PRCP: variants seen among roughly 807,000 people sequenced by gnomAD.
PRCP encodes lysosomal Pro-X carboxypeptidase.
In PRCP, 46 loss-of-function variants were observed where a neutral mutation model predicts 54.2. The ratio of observed to expected loss-of-function variants is 0.85; its 90% CI spans 0.67 to 1.09. The LOEUF (loss-of-function observed/expected upper bound fraction) is 1.09, where lower values mean the gene tolerates loss of function less well. Ranked by LOEUF, PRCP falls within the 50% of genes least tolerant of loss-of-function variation. The probability of loss-of-function intolerance (pLI) is 0.00; values close to 1 mark genes in which losing one functional copy is unlikely to be tolerated. For synonymous variants in PRCP, 240 were observed against 212.2 expected (o/e 1.13, Z -1.14); for missense variants, 613 against 596.8 (o/e 1.03, Z -0.28).
intron 8 of PRCP, 24 bp from the exon 9 acceptor site, chr11:82,825,146 A>C (rs1464523018): frequency 6.3e-7 from 1 of 1,587,120 alleles, no homozygotes; most frequent in African/African-American, 1.3e-5. Flanking sequence ...AAAGAAGAAA[A>C]AATAAAGTTG....
chr11:82,879,813 G>A (rs1591067568), intron 1 of PRCP, among the ~76,000 whole-genome samples: 1 of 152,204 alleles, frequency 6.6e-6, no homozygotes, highest in Non-Finnish European at 1.5e-5. Context: ...TCCAGACCCT[G>A]TTTGCCTGGT....
At chr11:82,881,202 C>T (rs896003332) in intron 1 of PRCP, among the ~76,000 whole-genome samples, 1 of 152,190 alleles carries the variant, frequency 6.6e-6, no homozygotes, top group Non-Finnish European at 1.5e-5. Flanking sequence ...AAATTTCATG[C>T]TATTCAGCAA....
At chr11:82,840,981 A>G (rs1350470799) in intron 6 of PRCP, 1 of 124,028 alleles carries the variant, frequency 8.1e-6, no homozygotes, top group Non-Finnish European at 1.7e-5. Context: ...GTAAGCTTGA[A>G]TCTCTATTGA....
chr11:82,872,052 G>A (rs753102488), intron 1 of PRCP, among the ~76,000 whole-genome samples: 8 of 152,144 alleles, frequency 5.3e-5, no homozygotes, highest in East Asian at 1.9e-4. Flanking sequence ...AAGAGACTAC[G>A]CGTTCACATA....
At chr11:82,875,522 TA>T (rs1859582304) in intron 1 of PRCP, among the ~76,000 whole-genome samples, 1 of 152,198 alleles carries the variant, frequency 6.6e-6, no homozygotes, top group Non-Finnish European at 1.5e-5. Context: ...TAGGTGACTA[TA>T]ATTAATACTG....
chr11:82,852,317 T>C (rs1363616312), intron 3 of PRCP, among the ~76,000 whole-genome samples: 2 of 152,200 alleles, frequency 1.3e-5, no homozygotes, highest in South Asian at 2.1e-4. Flanking sequence ...ATATCCTTTT[T>C]AAAAATAAAA....
rs149484275 is a variant in PRCP at position 82,891,764 on chromosome 11, T to C, written c.168+8471A>G. Among the ~76,000 whole-genome samples, 7 of 152,334 alleles carry C rather than the reference T, an allele frequency of 4.6e-5. No individual in the cohort carries two copies. In the East Asian group the frequency reaches 1.2e-3, roughly 25 times the overall value. On this transcript the variant is annotated intron_variant, in intron 1 of 8. Transcript: ENST00000313010. ...TGCTCTTTCCCCAGTGCCTCGAATA[T>C]AGTAGGCACCTAATAAAAAATTAGG... is the stretch of plus-strand genomic sequence containing the variant.
At chr11:82,826,410 G>A (rs1365709526) in intron 8 of PRCP, 1 of 152,134 alleles carries the variant, frequency 6.6e-6, no homozygotes, top group East Asian at 1.9e-4. Flanking sequence ...TTTGGCTAAT[G>A]AGTACTGCTC....
chr11:82,828,332 T>A (rs904413326), intron 8 of PRCP: 1 of 151,918 alleles, frequency 6.6e-6, no homozygotes, highest in Non-Finnish European at 1.5e-5. Context: ...AAGAAAAGCA[T>A]AAGCTTTGGG....
Position 82,825,056 on chromosome 11 carries a change from T to G in PRCP, c.1341A>C (p.Ala447=), listed in dbSNP as rs1351305999. 6.2e-7 allele frequency: 1 copy of G among 1,614,006 alleles called. No homozygotes were observed. Among genetic ancestry groups the G allele is most frequent in the East Asian group, 2.2e-5 (1 of 44,878 alleles). Residue 447 remains alanine, a synonymous_variant, in exon 9 of 9, where the codon GCA becomes GCC. Transcript: ENST00000313010. The stretch of plus-strand genomic sequence containing the variant: ...GGTGGGCCCCCTCTGAGATGGTGAC[T>G]GCAACCAGAGTGTCTGTGATATCCT... ...VTKDITDTLV[A]VTISEGAHHL...
rs1218316862 is a variant in PRCP, at chr11:82,860,074, CG to C, written c.211del (p.Arg71GlyfsTer3). The stretch of plus-strand genomic sequence containing the variant: ...CCAGTATTTATCAGCTACTAGGTAC[CG>C]CTGATTAAAAGTTTTCACAGTATTA... ...GFNTVKTFNQ[R>X]YLVADKYWKK... On this transcript the variant is annotated frameshift_variant, in exon 2 of 9. Transcript: ENST00000313010. LOFTEE classifies it high-confidence loss of function. 6.4e-7 allele frequency: 1 copy of C among 1,568,384 alleles called. No individual in the cohort carries two copies. Among genetic ancestry groups the C allele is most frequent in the African/African-American group, 1.4e-5 (1 of 72,790 alleles).
intron 1 of PRCP, among the ~76,000 whole-genome samples, chr11:82,892,022 T>C (rs547344918): frequency 6.6e-6 from 1 of 152,346 alleles, no homozygotes; most frequent in African/African-American, 2.4e-5. Flanking sequence ...ATTTGTGAAC[T>C]TCACTTCACT....
chr11:82,866,790 C>T (rs1438010818), intron 1 of PRCP, among the ~76,000 whole-genome samples: 2 of 151,770 alleles, frequency 1.3e-5, no homozygotes, highest in African/African-American at 2.4e-5. Flanking sequence ...GGCGTGATCT[C>T]GGCTCACTGC....
chr11:82,849,400 C>A (rs1688669918), intron 5 of PRCP, among the ~76,000 whole-genome samples, 182 bp from the exon 6 acceptor site: 2 of 152,082 alleles, frequency 1.3e-5, no homozygotes, highest in South Asian at 4.1e-4. Context: ...ATAGAGTTTA[C>A]CATAATTAGT....
intron 8 of PRCP, among the ~76,000 whole-genome samples, chr11:82,831,806 G>T (rs554321943): frequency 6.6e-6 from 1 of 152,094 alleles, no homozygotes; most frequent in Admixed American, 6.5e-5. Context: ...ATGTCATGGT[G>T]GTTTGCTGCA....
intron 2 of PRCP, 78 bp downstream of exon 2, chr11:82,859,899 C>T (rs543637660): frequency 5.8e-6 from 8 of 1,372,636 alleles, no homozygotes; most frequent in Admixed American, 4.9e-5. Flanking sequence ...TTTGGTCATA[C>T]ATATTGCAAA....
intron 1 of PRCP, among the ~76,000 whole-genome samples, chr11:82,867,852 G>C (rs948613060): frequency 6.6e-6 from 1 of 152,056 alleles, no homozygotes; most frequent in African/African-American, 2.4e-5. Context: ...CTCGAGAGTA[G>C]CTGTAACTAA....
At chr11:82,879,451 A>G (rs2121235844) in intron 1 of PRCP, among the ~76,000 whole-genome samples, 1 of 152,258 alleles carries the variant, frequency 6.6e-6, no homozygotes, top group South Asian at 2.1e-4. Context: ...CCAGGTTGTT[A>G]GCTTCTTTGC....
intron 1 of PRCP, among the ~76,000 whole-genome samples, chr11:82,893,260 C>A (rs1469092613): frequency 6.6e-6 from 1 of 152,174 alleles, no homozygotes; most frequent in East Asian, 1.9e-4. Flanking sequence ...AGGAGCACAG[C>A]CCCCTGCTCA....
Sources: allele counts gnomAD v4.1 joint callset (sites outside exome capture counted in the v4.1 genomes callset), GRCh38; gene constraint gnomAD v4.1.1; transcripts MANE v1.5; gene names NCBI Gene and HGNC (gene_info 2026-07-23, HGNC 2026-07-21).